Variants in CA10 observed in about 807,000 individuals in gnomAD.
CA10 encodes carbonic anhydrase 10 (inactive).
In CA10, 14 loss-of-function variants were observed where a neutral mutation model predicts 44.2. The ratio of observed to expected loss-of-function variants is 0.32; its 90% confidence interval spans 0.21 to 0.50. The LOEUF (loss-of-function observed/expected upper bound fraction) is 0.50. CA10 is among the 20% of genes least tolerant of loss of function. The pLI is 0.99. For missense variants in CA10, 350 were observed against 409.7 expected (o/e 0.85, Z 1.26); for synonymous variants, 159 against 141.6 (o/e 1.12, Z -0.87).
At chr17:52,027,155 G>T (rs1030344252) in intron 2 of CA10, among the ~76,000 whole-genome samples, 3 of 152,078 alleles carry the variant, frequency 2.0e-5, no homozygotes, top group African/African-American at 7.2e-5. Context: ...ATGCAACCTA[G>T]ATCCCTCACA....
intron 1 of CA10, among the ~76,000 whole-genome samples, chr17:52,146,593 G>C (rs1351901948): frequency 6.6e-6 from 1 of 152,036 alleles, no homozygotes; most frequent in Non-Finnish European, 1.5e-5. Context: ...GGGAGGCTGA[G>C]GCAGGAGAAT....
At chr17:52,096,608 G>A (rs1396997537) in intron 1 of CA10, among the ~76,000 whole-genome samples, 1 of 151,988 alleles carries the variant, frequency 6.6e-6, no homozygotes, top group South Asian at 2.1e-4. Context: ...TAACATAATA[G>A]ACACCAATGT....
intron 3 of CA10, among the ~76,000 whole-genome samples, chr17:51,780,443 A>T (rs181110652): frequency 6.6e-6 from 1 of 152,266 alleles, no homozygotes; most frequent in East Asian, 1.9e-4. Flanking sequence ...TGGCCACCAC[A>T]CTGTTTCTGA....
intron 2 of CA10, among the ~76,000 whole-genome samples, chr17:52,069,574 G>T (rs972349989): frequency 3.3e-5 from 5 of 152,128 alleles, no homozygotes; most frequent in African/African-American, 7.2e-5. Flanking sequence ...CTGAGTCATG[G>T]ATTTATGGCT....
Position 51,972,441 on chromosome 17 carries a change from C to T in CA10, c.137-41309G>A, listed in dbSNP as rs544700590. On this transcript the variant is annotated intron_variant, in intron 2 of 8. Transcript: ENST00000451037. ...GAACATCTAAGTTATCTGAAAACAA[C>T]AGTTGTGACCTTCATTACTGTTATA... 7.3e-5 allele frequency among the ~76,000 whole-genome samples: 11 copies of T among 149,724 alleles called. No individual in the cohort carries two copies. The East Asian group carries it at 1.8e-3, about 24-fold the overall frequency.
intron 1 of CA10, among the ~76,000 whole-genome samples, chr17:52,148,828 T>C (rs1393729): frequency 0.23 from 35,649 of 152,242 alleles, 4,767 homozygotes; most frequent in East Asian, 0.4. Context: ...GCTGTTTTTT[T>C]TACTACATTT....
chr17:51,747,854 T>C (rs1324903379), intron 3 of CA10, 36 bp from the exon 4 acceptor site: 2 of 1,532,274 alleles, frequency 1.3e-6, no homozygotes, highest in East Asian at 2.3e-5. Flanking sequence ...AGCAAGGCCC[T>C]CCTTCTTCTA....
chr17:51,772,907 C>T (rs112383631), intron 3 of CA10, among the ~76,000 whole-genome samples: 4,629 of 152,220 alleles, frequency 0.03, 189 homozygotes, highest in African/African-American at 0.099. Flanking sequence ...CGGGAGACAG[C>T]CTTTTGATGT....
rs559716235 is a variant in CA10 at position 52,036,958 on chromosome 17, C to T, written c.136+35361G>A. On this transcript the variant is annotated intron_variant, in intron 2 of 8. Coordinates refer to ENST00000451037, the MANE Select transcript of CA10 (RefSeq NM_020178.5). Reference sequence around the variant, plus strand: ...GGCCAGAAAATGAAGGACTCTAGTCCCTGCCTGACTCAGGGAGGGCAGTGA... The same window carrying T: ...GGCCAGAAAATGAAGGACTCTAGTCTCTGCCTGACTCAGGGAGGGCAGTGA... Among the ~76,000 whole-genome samples the T allele has an allele frequency of 7.1e-4, 108 of 152,154 alleles. No homozygotes were observed. In the Middle Eastern group the frequency reaches 0.017, roughly 24 times the overall value.
intron 3 of CA10, among the ~76,000 whole-genome samples, chr17:51,812,685 G>T (rs1907417381): frequency 6.6e-6 from 1 of 152,234 alleles, no homozygotes; most frequent in Non-Finnish European, 1.5e-5. Flanking sequence ...GGTATAAAAA[G>T]TATAAGCATC....
intron 2 of CA10, among the ~76,000 whole-genome samples, chr17:51,974,241 G>A (rs1306686686): frequency 6.6e-6 from 1 of 151,830 alleles, no homozygotes; most frequent in African/African-American, 2.4e-5. Context: ...AAAATTAACT[G>A]GGCATGGTGG....
intron 4 of CA10, among the ~76,000 whole-genome samples, chr17:51,657,851 G>A (rs1405156331): frequency 6.6e-6 from 1 of 152,156 alleles, no homozygotes; most frequent in Non-Finnish European, 1.5e-5. Context: ...CTCTTCGGGG[G>A]CTAATGATGA....
intron 4 of CA10, among the ~76,000 whole-genome samples, chr17:51,694,499 T>G (rs1313906910): frequency 6.6e-6 from 1 of 151,866 alleles, no homozygotes; most frequent in East Asian, 1.9e-4. Context: ...AATGGGGTTT[T>G]TTTTTTTTTT....
intron 4 of CA10, among the ~76,000 whole-genome samples, chr17:51,746,684 G>T (rs554242995): frequency 6.6e-6 from 1 of 152,270 alleles, no homozygotes; most frequent in African/African-American, 2.4e-5. Context: ...CTGGTAACTA[G>T]CTGAGTGCCT....
At chr17:52,016,733 T>C (rs1985980168) in intron 2 of CA10, among the ~76,000 whole-genome samples, 3 of 152,010 alleles carry the variant, frequency 2.0e-5, no homozygotes, top group Admixed American at 2.0e-4. Context: ...GCTAACATAG[T>C]GAAACCCTGT....
chr17:52,137,094 T>C (rs942540142), intron 1 of CA10, among the ~76,000 whole-genome samples: 2 of 152,038 alleles, frequency 1.3e-5, no homozygotes, highest in Non-Finnish European at 2.9e-5. Context: ...TGTGGGGATT[T>C]TTTTTTTTTC....
intron 4 of CA10, among the ~76,000 whole-genome samples, chr17:51,663,958 A>G (rs1466420278): frequency 6.6e-6 from 1 of 152,210 alleles, no homozygotes; most frequent in African/African-American, 2.4e-5. Context: ...TTATGAAAAT[A>G]GATATACTGA....
At position 51,826,861 on chromosome 17, in the gene CA10, C is replaced by G. The variant is rs142327186; in HGVS notation, c.280-79043G>C. ...CCTCAAGGCAGCCCTCTCTACCTAG[C>G]CCTCTCATTCAAATAGCTAAAGGCA... On this transcript the variant is annotated intron_variant, in intron 3 of 8. Transcript: ENST00000451037. Among the ~76,000 whole-genome samples, 36 of 152,266 alleles carry G rather than the reference C, an allele frequency of 2.4e-4. No homozygotes were observed. The East Asian group carries it at 6.6e-3, about 28-fold the overall frequency.
intron 4 of CA10, among the ~76,000 whole-genome samples, chr17:51,669,474 C>T (rs1262769979): frequency 6.6e-6 from 1 of 152,136 alleles, no homozygotes; most frequent in Non-Finnish European, 1.5e-5. Context: ...CAGTGGCAAC[C>T]CTCTCGGGTC....
Sources: allele counts gnomAD v4.1 joint callset (sites outside exome capture counted in the v4.1 genomes callset), GRCh38; gene constraint gnomAD v4.1.1; transcripts MANE v1.5; gene names NCBI Gene and HGNC (gene_info 2026-07-23, HGNC 2026-07-21).